CRMP1: variants seen among roughly 807,000 people sequenced by gnomAD.
The protein encoded by CRMP1 is collapsin response mediator protein 1.
In CRMP1, 19 loss-of-function variants were observed where a neutral mutation model predicts 68.3. The observed-to-expected ratio is 0.28, with a 90% confidence interval of 0.19 to 0.41. The LOEUF is 0.41. Ranked by LOEUF, CRMP1 falls within the 10% of genes least tolerant of loss-of-function variation. CRMP1 has a pLI of 1.00. For missense variants in CRMP1, 791 were observed against 967.4 expected (o/e 0.82, Z 2.42); for synonymous variants, 439 against 399.6 (o/e 1.10, Z -1.18).
Position 5,861,136 on chromosome 4 carries a change from C to T in CRMP1, c.545G>A (p.Gly182Glu). Residue 182 changes from glycine (G) to glutamate (E), a missense_variant, in exon 3 of 14, where the codon GGA becomes GAA. By Grantham distance (98) the Gly-to-Glu change is moderately conservative. Transcript: ENST00000324989. The surrounding 1 kb of genome is among the most constrained non-coding windows in gnomAD (Gnocchi z 6.0). ...IEANGRMVIP[G>E]GIDVNTYLQK... is the part of the protein sequence containing the mutation. ...CAGGTACGTGTTGACATCAATACCT[C>T]CGGGAATAACCATCCGCCCGTTGGC... The T allele has an allele frequency of 6.2e-7, 1 of 1,614,224 alleles. No homozygotes were observed. The highest frequency in any genetic ancestry group is 8.5e-7 in the Non-Finnish European group (1 of 1,180,038).
intron 1 of CRMP1, among the ~76,000 whole-genome samples, chr4:5,878,564 T>A (rs541070795): frequency 6.6e-6 from 1 of 152,100 alleles, no homozygotes; most frequent in South Asian, 2.1e-4. Context: ...ATATTTACTC[T>A]CTCATTACAT....
rs370011790 is a variant in CRMP1, at chr4:5,835,975, G to A, written c.1563C>T (p.Ala521=). Residue 521 remains alanine, a synonymous_variant, in exon 11 of 14, where the codon GCC becomes GCT. Transcript: ENST00000324989. ...RKGRIAVGSD[A]DVVIWDPDKL... is the part of the protein sequence containing the mutation. ...TGTCGGGGTCCCAGATGACCACGTC[G>A]GCATCCGAGCCCACGGCAATCCGCC... 1.9e-5 allele frequency: 31 copies of A among 1,598,950 alleles called. No homozygotes were observed. The highest frequency in any genetic ancestry group is 6.7e-5 in the African/African-American group (5 of 74,234).
Position 5,865,635 on chromosome 4 carries a change from A to AG in CRMP1, c.470+1032_470+1033insC, listed in dbSNP as rs953344945. ...ACTCCGTCTCAAAAAAAAAAAAAAA[A>AG]AAGAAGGCCGCCGCCTACAGACCCC... On this transcript the variant is annotated intron_variant, in intron 2 of 13. Transcript: ENST00000324989. This position sits in a 1 kb window ranked among gnomAD's most constrained non-coding sequence, Gnocchi z 4.1. 1.3e-5 allele frequency among the ~76,000 whole-genome samples: 2 copies of AG among 151,688 alleles called. No homozygotes were observed. Among genetic ancestry groups the AG allele is most frequent in the African/African-American group, 4.8e-5 (2 of 41,292 alleles).
chr4:5,823,003 T>A (rs1486922885), intron 13 of CRMP1, among the ~76,000 whole-genome samples: 1 of 152,220 alleles, frequency 6.6e-6, no homozygotes, highest in East Asian at 1.9e-4. Context: ...CTTTTTCTAA[T>A]ACATCTGACT....
chr4:5,860,900 G>C lies in CRMP1; in HGVS notation c.655+126C>G, dbSNP rs73063635. ...AACAGTGACCTGTGTCATAGGGCTG[G>C]GGGGAGAATGAAATCCAATGGCACC... On this transcript the variant is annotated intron_variant, in intron 3 of 13. Transcript: ENST00000324989. This position sits in a 1 kb window ranked among gnomAD's most constrained non-coding sequence, Gnocchi z 4.2. The C allele has an allele frequency of 5.4e-6, 5 of 926,814 alleles. No homozygotes were observed. The highest frequency in any genetic ancestry group is 1.7e-5 in the African/African-American group (1 of 60,228). The allele number at this position is 926,814 out of a possible 1,614,324, so 57.4% of individuals were successfully genotyped here. A position where few individuals can be genotyped will look rare whatever the true frequency, so the allele number is the denominator to read the frequency against.
chr4:5,837,927 G>T (rs1720839074), intron 9 of CRMP1, among the ~76,000 whole-genome samples: 1 of 152,176 alleles, frequency 6.6e-6, no homozygotes, highest in Admixed American at 6.5e-5. Context: ...GAGAGCTTCT[G>T]CATGTGTCAG....
At chr4:5,851,809 A>G (rs1712649812) in intron 4 of CRMP1, among the ~76,000 whole-genome samples, 2 of 148,690 alleles carry the variant, frequency 1.3e-5, no homozygotes, top group Admixed American at 6.7e-5. Context: ...GAAGAGGAGG[A>G]AAAAGAAGAG....
rs1716023047 is a variant in CRMP1 at position 5,893,014 on chromosome 4, C to T, written c.-45G>A. On this transcript the variant is annotated 5_prime_UTR_variant, in exon 1 of 14. Coordinates refer to ENST00000324989, the MANE Select transcript of CRMP1 (RefSeq NM_001014809.3). ...CCCACCGCGCTCCCGCCTGCCCGCC[C>T]GCGGCCCTGGGCACCGCCGTGCGCC... The T allele has an allele frequency of 3.6e-6, 4 of 1,125,490 alleles. No individual in the cohort carries two copies. The South Asian group carries it at 1.7e-4, about 47-fold the overall frequency. The allele number at this position is 1,125,490 out of a possible 1,614,324, so 69.7% of individuals were successfully genotyped here.
At chr4:5,835,179 ACTT>A (rs1333960682) in intron 11 of CRMP1, among the ~76,000 whole-genome samples, 7 of 152,174 alleles carry the variant, frequency 4.6e-5, no homozygotes, top group South Asian at 4.1e-4. Context: ...CACATGCACT[ACTT>A]CTGGCCTGTG....
intron 6 of CRMP1, among the ~76,000 whole-genome samples, chr4:5,848,488 C>A (rs965020254): frequency 3.3e-5 from 5 of 152,184 alleles, no homozygotes; most frequent in Non-Finnish European, 5.9e-5. Context: ...CCACAACTCC[C>A]AGCTTTCATT....
chr4:5,827,969 A>AAAT (rs1343907934), intron 12 of CRMP1: 4 of 917,746 alleles, frequency 4.4e-6, no homozygotes, highest in Non-Finnish European at 5.2e-6. Context: ...TGTTCAAGGA[A>AAAT]AATAAGGAAC....
In CRMP1 at chr4:5,892,461, G is replaced by A. The variant is rs1180143398; in HGVS notation, c.381+128C>T. On this transcript the variant is annotated intron_variant, in intron 1 of 13. Coordinates refer to ENST00000324989, the MANE Select transcript of CRMP1 (RefSeq NM_001014809.3). The surrounding 1 kb of genome is among the most constrained non-coding windows in gnomAD (Gnocchi z 8.6). ...GATGAGGTGGGGGAGGGGCCGCGCC[G>A]TGGCTCTCCCCAGCCTGGCGGCCGC... 53 of 957,966 alleles carry A rather than the reference G, an allele frequency of 5.5e-5. No homozygotes were observed. The South Asian group carries it at 2.2e-3, about 40-fold the overall frequency. The allele number at this position is 957,966 out of a possible 1,614,324, so 59.3% of individuals were successfully genotyped here.
At chr4:5,856,114 C>A in intron 4 of CRMP1, 29 bp downstream of exon 4, 2 of 1,611,198 alleles carry the variant, frequency 1.2e-6, no homozygotes, top group South Asian at 1.1e-5. Context: ...AGGGATTCCC[C>A]AAAACCCCGT....
chr4:5,837,959 A>T (rs10937683), intron 9 of CRMP1, among the ~76,000 whole-genome samples: 71,258 of 151,834 alleles, frequency 0.47, 17,948 homozygotes, highest in African/African-American at 0.65. Flanking sequence ...GATGGGGGAG[A>T]CTGGCAATAA....
At chr4:5,882,200 A>G (rs1313737161) in intron 1 of CRMP1, among the ~76,000 whole-genome samples, 3 of 152,256 alleles carry the variant, frequency 2.0e-5, no homozygotes, top group African/African-American at 4.8e-5. Flanking sequence ...TGCTTTGGCC[A>G]GTACACTATC....
rs139357095 is a variant in CRMP1 at position 5,892,671 on chromosome 4, C to G, written c.299G>C (p.Gly100Ala). 0.065 allele frequency: 79,306 copies of G among 1,214,026 alleles called. 4,684 individuals carry two copies. Among genetic ancestry groups the G allele is most frequent in the African/African-American group, 0.3 (18,856 of 62,632 alleles). 75.2% of individuals were successfully genotyped at this position (1,214,026 alleles called of 1,614,324 possible). The part of the protein sequence containing the change: ...EPSGSAVSSP[G>A]ERDERPPTLR... ...CGTCGGCGGCCGCTCGTCGCGCTCT[C>G]CGGGAGAGCTGACCGCGGAGCCCGA... The change falls in exon 1 of 14, where the codon GGA becomes GCA. Residue 100 changes from glycine (G) to alanine (A), a missense_variant. By Grantham distance (60) the Gly-to-Ala change is moderately conservative. Around this residue, in one of 3 missense-constraint regions of CRMP1, gnomAD observed 193 missense variants for 186.3 expected, o/e 1.04. Transcript: ENST00000324989. This position sits in a 1 kb window ranked among gnomAD's most constrained non-coding sequence, Gnocchi z 8.6.
chr4:5,826,531 G>C (rs1214502222), intron 12 of CRMP1: 1 of 152,328 alleles, frequency 6.6e-6, no homozygotes, highest in Non-Finnish European at 1.5e-5. Flanking sequence ...CACTGGGAAA[G>C]GGTTGTGGGG....
Position 5,828,532 on chromosome 4 carries a change from G to A in CRMP1, c.1760C>T (p.Ala587Val), listed in dbSNP as rs775369390. The A allele has an allele frequency of 9.9e-6, 16 of 1,614,114 alleles. No individual in the cohort carries two copies. Among genetic ancestry groups the A allele is most frequent in the East Asian group, 6.7e-5 (3 of 44,894 alleles). ...KGMGRFIPRK[A>V]FPEHLYQRVK... ...GCGCTGGTACAGGTGCTCCGGGAACGCCTTCCGCGGAATGAAGCGGCCCAT... is the reference window on the plus strand; with the variant it reads ...GCGCTGGTACAGGTGCTCCGGGAACACCTTCCGCGGAATGAAGCGGCCCAT... Residue 587 changes from alanine (A) to valine (V), a missense_variant, in exon 12 of 14, where the codon GCG becomes GTG. Around this residue, in one of 3 missense-constraint regions of CRMP1, gnomAD observed 594 missense variants for 763.6 expected, o/e 0.78. Transcript: ENST00000324989.
chr4:5,836,119 T>A, intron 10 of CRMP1, 34 bp from the exon 11 acceptor site: 1 of 1,420,086 alleles, frequency 7.0e-7, no homozygotes, highest in Non-Finnish European at 9.2e-7. Flanking sequence ...GAAGAGCATC[T>A]CATAATGGGG....
Sources: allele counts gnomAD v4.1 joint callset (sites outside exome capture counted in the v4.1 genomes callset), GRCh38; gene constraint gnomAD v4.1.1; regional missense constraint gnomAD v4.1.1; non-coding constraint Gnocchi (gnomAD v3.1); transcripts MANE v1.5; gene names NCBI Gene and HGNC (gene_info 2026-07-23, HGNC 2026-07-21).